TMEM47: variants seen among roughly 807,000 people sequenced by gnomAD.
TMEM47 encodes transmembrane protein 47.
In TMEM47, 3 loss-of-function variants were observed where a neutral mutation model predicts 12.4. That is an observed-to-expected ratio of 0.24 (90% CI 0.11 to 0.63). TMEM47 has a LOEUF of 0.63. Ranked by LOEUF, TMEM47 falls within the 20% of genes least tolerant of loss-of-function variation. The pLI, the probability that TMEM47 is intolerant of heterozygous loss-of-function variation, is 0.86. For synonymous variants in TMEM47, 62 were observed against 63.3 expected (o/e 0.98, Z 0.10); for missense variants, 89 against 143.8 (o/e 0.62, Z 1.95).
intron 2 of TMEM47, among the ~76,000 whole-genome samples, chrX:34,637,917 TA>T (rs1487891928): frequency 9.0e-6 from 1 of 110,525 alleles, no homozygotes; most frequent in Non-Finnish European, 1.9e-5. Flanking sequence ...GGCTGGAGTG[TA>T]ATGGTGTGCT....
At chrX:34,654,889 G>C (rs1922077238) in intron 1 of TMEM47, among the ~76,000 whole-genome samples, 1 of 111,700 alleles carries the variant, frequency 9.0e-6, no homozygotes, top group Admixed American at 9.5e-5. Context: ...TTTCAGCAAG[G>C]GGGTAGAATA....
intron 1 of TMEM47, among the ~76,000 whole-genome samples, chrX:34,649,197 C>T (rs1921969826): frequency 8.9e-6 from 1 of 111,968 alleles, no homozygotes; most frequent in Non-Finnish European, 1.9e-5. Flanking sequence ...AATCCCATTA[C>T]TAGGTATATA....
At chrX:34,634,397 A>G (rs1331627309) in intron 2 of TMEM47, among the ~76,000 whole-genome samples, 3 of 112,315 alleles carry the variant, frequency 2.7e-5, no homozygotes, top group Non-Finnish European at 5.6e-5. Context: ...CAACACTAAA[A>G]TATTCAAAGC....
At chrX:34,646,800 C>A (rs973633811) in intron 1 of TMEM47, among the ~76,000 whole-genome samples, 1 of 110,985 alleles carries the variant, frequency 9.0e-6, no homozygotes, top group African/African-American at 3.3e-5. Flanking sequence ...TATTAAGATA[C>A]CCCTTTAGTA....
At position 34,638,102 on chromosome X, in the gene TMEM47, G is replaced by A. The variant is rs73626067; in HGVS notation, c.367+1145C>T. ...TTATAGGTGTCTAATACTGTGTTTA[G>A]CCTGTAATAGGCATCTAAGAAATAG... On this transcript the variant is annotated intron_variant, in intron 2 of 2. Transcript: ENST00000275954. Among the ~76,000 whole-genome samples the A allele has an allele frequency of 4.0e-3, 441 of 111,444 alleles. 3 individuals are homozygous for A. Among genetic ancestry groups the A allele is most frequent in the African/African-American group, 0.013 (411 of 30,641 alleles).
intron 1 of TMEM47, among the ~76,000 whole-genome samples, chrX:34,641,068 T>C (rs943558133): frequency 1.1e-5 from 1 of 95,043 alleles, no homozygotes; most frequent in South Asian, 5.6e-4. Context: ...TTTTATTCCA[T>C]AACAGCATGT....
chrX:34,641,893 G>T (rs1921823914), intron 1 of TMEM47, among the ~76,000 whole-genome samples: 1 of 112,331 alleles, frequency 8.9e-6, no homozygotes, highest in Admixed American at 9.4e-5. Flanking sequence ...GTCTCACTCT[G>T]TCATCCAGGC....
intron 1 of TMEM47, among the ~76,000 whole-genome samples, chrX:34,643,958 G>C (rs759994210): frequency 1.8e-5 from 2 of 110,931 alleles, no homozygotes; most frequent in East Asian, 5.7e-4. Flanking sequence ...TTACGTGTCA[G>C]GTTCTCTCAA....
In TMEM47 at chrX:34,657,213, G is replaced by A; in HGVS notation, c.-184C>T. Reference sequence around the variant, plus strand: ...TGGGTCTGCGGAGGCGGCCGGCCGGGTGTGGGTCGTCGGCAGCCGCAGCGA... The same window carrying A: ...TGGGTCTGCGGAGGCGGCCGGCCGGATGTGGGTCGTCGGCAGCCGCAGCGA... On this transcript the variant is annotated 5_prime_UTR_variant, in exon 1 of 3. Transcript: ENST00000275954. 1 of 665,373 alleles carries A rather than the reference G, an allele frequency of 1.5e-6. No homozygotes were observed. The highest frequency in any genetic ancestry group is 2.0e-6 in the Non-Finnish European group (1 of 512,516). 54.8% of individuals were successfully genotyped at this position (665,373 alleles called of 1,213,427 possible).
intron 1 of TMEM47, among the ~76,000 whole-genome samples, chrX:34,647,287 G>A (rs1278760401): frequency 2.7e-5 from 3 of 111,493 alleles, no homozygotes; most frequent in Admixed American, 9.6e-5. Flanking sequence ...GTTCTTTTGT[G>A]TCTGTCCCTT....
Position 34,630,386 on chromosome X carries a change from C to T in TMEM47, c.473G>A (p.Gly158Asp), listed in dbSNP as rs1921593992. 1 of 1,210,488 alleles carries T rather than the reference C, an allele frequency of 8.3e-7. No homozygotes were observed. The highest frequency in any genetic ancestry group is 3.0e-5 in the East Asian group (1 of 33,824). Residue 158 changes from glycine (G) to aspartate (D), a missense_variant, in exon 3 of 3, where the codon GGT becomes GAT. Coordinates refer to ENST00000275954, the MANE Select transcript of TMEM47 (RefSeq NM_031442.4). ...EFNWGYGLAWGATIFSFGGAI... is the reference protein window; with the variant it reads ...EFNWGYGLAWDATIFSFGGAI... ...ACCCCCAAACGAAAATATAGTTGCA[C>T]CCCAGGCCAGGCCATAACCCCAGTT...
intron 1 of TMEM47, among the ~76,000 whole-genome samples, chrX:34,653,848 C>A (rs1922057913): frequency 9.0e-6 from 1 of 111,337 alleles, no homozygotes; most frequent in Non-Finnish European, 1.9e-5. Flanking sequence ...AACTTCCTAA[C>A]AAGCACACTT....
At chrX:34,638,649 G>A (rs749519344) in intron 2 of TMEM47, among the ~76,000 whole-genome samples, 18 of 112,015 alleles carry the variant, frequency 1.6e-4, no homozygotes, top group Non-Finnish European at 3.2e-4. Context: ...ATCAAATCAT[G>A]TATTGGGCTT....
At position 34,657,021 on chromosome X, in the gene TMEM47, C is replaced by T. The variant is rs1249339774; in HGVS notation, c.9G>A (p.Ser3=). 3.5e-6 allele frequency: 4 copies of T among 1,148,391 alleles called. No homozygotes were observed. In the East Asian group the frequency reaches 1.0e-4, roughly 29 times the overall value. The allele number at this position is 1,148,391 out of a possible 1,213,427, so 94.6% of individuals were successfully genotyped here. MA[S]AGSGMEEVRV... ...GCACCTCCTCCATGCCGCTGCCCGC[C>T]GAAGCCATTCCTGGGCGCCGCTGTC... The change falls in exon 1 of 3, where the codon TCG becomes TCA. Residue 3 remains serine, a synonymous_variant. Transcript: ENST00000275954.
intron 1 of TMEM47, among the ~76,000 whole-genome samples, chrX:34,643,897 TG>T (rs1921862357): frequency 9.1e-6 from 1 of 109,458 alleles, no homozygotes; most frequent in Non-Finnish European, 1.9e-5. Context: ...TCGAATGGGA[TG>T]GGAGGCATGT....
chrX:34,649,344 T>C (rs1921972441), intron 1 of TMEM47, among the ~76,000 whole-genome samples: 1 of 111,642 alleles, frequency 9.0e-6, no homozygotes, highest in Non-Finnish European at 1.9e-5. Flanking sequence ...GTAGCGCATA[T>C]ACACCATGGA....
chrX:34,635,116 G>A (rs1250391065), intron 2 of TMEM47, among the ~76,000 whole-genome samples: 2 of 111,438 alleles, frequency 1.8e-5, no homozygotes, highest in Admixed American at 9.5e-5. Flanking sequence ...GGGCAGGCCA[G>A]GTCCAGAAAA....
intron 2 of TMEM47, among the ~76,000 whole-genome samples, chrX:34,632,243 TAAAG>T (rs1329193272): frequency 9.1e-6 from 1 of 110,491 alleles, no homozygotes; most frequent in Non-Finnish European, 1.9e-5. Context: ...TGTGAATAAT[TAAAG>T]AAAAGGAGGG....
chrX:34,641,399 T>C (rs1459999721), intron 1 of TMEM47, among the ~76,000 whole-genome samples: 1 of 112,290 alleles, frequency 8.9e-6, no homozygotes, highest in Non-Finnish European at 1.9e-5. Context: ...TTATTACTGT[T>C]AGCAACTTTC....
Sources: gnomAD v4.1 joint callset for allele counts (sites outside exome capture counted in the v4.1 genomes callset) on GRCh38, gnomAD v4.1.1 for gene constraint, MANE v1.5 for transcripts, NCBI Gene and HGNC (gene_info 2026-07-23, HGNC 2026-07-21) for gene names.